Variants in SOS2 observed in about 807,000 individuals in gnomAD.
SOS2 encodes the protein son of sevenless homolog 2.
SOS2 carries 65 observed loss-of-function variants against 148.2 expected under a neutral mutation model. The ratio of observed to expected loss-of-function variants is 0.44; its 90% CI spans 0.36 to 0.54. SOS2 has a LOEUF of 0.54. SOS2 is among the 20% of genes least tolerant of loss of function. The probability of loss-of-function intolerance (pLI) is 0.00; values close to 1 mark genes in which losing one functional copy is unlikely to be tolerated. For synonymous variants in SOS2, 539 were observed against 537.1 expected, an observed-to-expected ratio of 1.00 and a Z score of -0.05; for missense variants, 1,341 against 1,590.2, an observed-to-expected ratio of 0.84 and a Z score of 2.67.
rs71118839 is a variant in SOS2 at position 50,122,391 on chromosome 14, C to CTTTTTTTT, written c.3380-2015_3380-2008dup. Among the ~76,000 whole-genome samples the CTTTTTTTT allele has an allele frequency of 2.3e-4, 20 of 88,288 alleles. 1 individual carries two copies. Among genetic ancestry groups the CTTTTTTTT allele is most frequent in the Admixed American group, 3.2e-4 (2 of 6,196 alleles). The allele number at this position is 88,288 out of a possible 152,430, so 57.9% of individuals were successfully genotyped here. ...ATGAAGAGTGAAAAAGAACCCTGGG[C>CTTTTTTTT]TTTTTTTTTTTTTTTTTTTTTTGAG... On this transcript the variant is annotated intron_variant, in intron 21 of 22. Coordinates refer to ENST00000216373, the MANE Select transcript of SOS2 (RefSeq NM_006939.4).
intron 5 of SOS2, among the ~76,000 whole-genome samples, chr14:50,183,396 A>G (rs531037824): frequency 1.8e-4 from 28 of 152,258 alleles, no homozygotes; most frequent in African/African-American, 6.7e-4. Flanking sequence ...ACAAAAAAAA[A>G]AAGAAACAAT....
chr14:50,203,545 A>C (rs1886565844), intron 2 of SOS2, among the ~76,000 whole-genome samples: 1 of 152,100 alleles, frequency 6.6e-6, no homozygotes, highest in South Asian at 2.1e-4. Context: ...CTCCCATGTA[A>C]CCAAGGCAAA....
In SOS2 at chr14:50,180,553, A is replaced by C. The variant is rs1462958977; in HGVS notation, c.969+19T>G. The C allele has an allele frequency of 9.4e-7, 1 of 1,060,834 alleles. No homozygotes were observed. The highest frequency in any genetic ancestry group is 2.5e-5 in the East Asian group (1 of 39,818). The allele number at this position is 1,060,834 out of a possible 1,614,324, so 65.7% of individuals were successfully genotyped here. A position where few individuals can be genotyped will look rare whatever the true frequency, so the allele number is the denominator to read the frequency against. On this transcript the variant is annotated intron_variant, in intron 7 of 22. Transcript: ENST00000216373. ...TTTATTAAAAAAAAAAAAAAAAAAA[A>C]CCTTCAATTTAAGTTTACCTGAAAG...
intron 9 of SOS2, 152 bp downstream of exon 9, chr14:50,161,330 G>T: frequency 1.7e-6 from 1 of 598,732 alleles, no homozygotes. Context: ...GGAAAAAAGA[G>T]AGTAAAAGAC....
At position 50,174,572 on chromosome 14, in the gene SOS2, C is replaced by G; in HGVS notation, c.970-20G>C. 6.8e-7 allele frequency: 1 copy of G among 1,471,030 alleles called. No individual in the cohort carries two copies. Among genetic ancestry groups the G allele is most frequent in the Non-Finnish European group, 9.5e-7 (1 of 1,055,340 alleles). 91.1% of individuals were successfully genotyped at this position (1,471,030 alleles called of 1,614,324 possible). A position where few individuals can be genotyped will look rare whatever the true frequency, so the allele number is the denominator to read the frequency against. On this transcript the variant is annotated intron_variant, in intron 7 of 22. Transcript: ENST00000216373. ...AATGGACTGCAAAGCAAAAAGATAT[C>G]ACAGTATGTATGTCTCTGACATCAA...
In SOS2 at chr14:50,144,627, G is replaced by A. The variant is rs558381394; in HGVS notation, c.2667+543C>T. Among the ~76,000 whole-genome samples the A allele has an allele frequency of 5.3e-5, 8 of 151,888 alleles. No homozygotes were observed. In the South Asian group the frequency reaches 1.7e-3, roughly 32 times the overall value. On this transcript the variant is annotated intron_variant, in intron 16 of 22. Coordinates refer to ENST00000216373, the MANE Select transcript of SOS2 (RefSeq NM_006939.4). ...TAATTTTTGTATTTTTAGTAGAGATGGGGTTTCGCCGCGTTGTCCAGGTTG... is the reference window on the plus strand; with the variant it reads ...TAATTTTTGTATTTTTAGTAGAGATAGGGTTTCGCCGCGTTGTCCAGGTTG...
chr14:50,184,990 G>T (rs1271523746), intron 5 of SOS2, among the ~76,000 whole-genome samples: 1 of 152,076 alleles, frequency 6.6e-6, no homozygotes, highest in East Asian at 1.9e-4. Context: ...CTTGCCCAGA[G>T]AGGGCTTGGA....
intron 21 of SOS2, among the ~76,000 whole-genome samples, chr14:50,129,210 T>C (rs1883784902): frequency 6.6e-6 from 1 of 151,990 alleles, no homozygotes; most frequent in South Asian, 2.1e-4. Context: ...TTAAATAAGA[T>C]GATGTAAAAA....
chr14:50,231,487 T>TCCCG lies in SOS2; in HGVS notation c.-208_-205dup, dbSNP rs1212896067. On this transcript the variant is annotated 5_prime_UTR_variant, in exon 1 of 23. Coordinates refer to ENST00000216373, the MANE Select transcript of SOS2 (RefSeq NM_006939.4). ...TTCCTCCGCCGAGGCGGCCCTCGCC[T>TCCCG]CCCGCAGCGCCCGCAGAGGAAGCGC... 5.3e-5 allele frequency: 8 copies of TCCCG among 150,640 alleles called. No individual in the cohort carries two copies. Among genetic ancestry groups the TCCCG allele is most frequent in the Admixed American group, 5.3e-4 (8 of 15,094 alleles). 9.3% of individuals were successfully genotyped at this position (150,640 alleles called of 1,614,324 possible). A position where few individuals can be genotyped will look rare whatever the true frequency, so the allele number is the denominator to read the frequency against.
intron 1 of SOS2, among the ~76,000 whole-genome samples, chr14:50,224,314 TACACACACACAC>T (rs71118856): frequency 0.052 from 5,233 of 100,820 alleles, 304 homozygotes; most frequent in Non-Finnish European, 0.06. Flanking sequence ...AATATATATA[TACACACACACAC>T]ACACACACAC....
chr14:50,118,798 G>A lies in SOS2; in HGVS notation c.3545C>T (p.Pro1182Leu). The A allele has an allele frequency of 6.4e-7, 1 of 1,561,112 alleles. No homozygotes were observed. Among genetic ancestry groups the A allele is most frequent in the Non-Finnish European group, 8.7e-7 (1 of 1,147,492 alleles). ...PPAIPPRQPP[P>L]PKVKPRVPVP... ...AGGAACTCTGGGTTTTACCTTTGGA[G>A]GAGGAGGCTGTCTCGGTGGAATAGC... is the stretch of plus-strand genomic sequence containing the variant. The change falls in exon 23 of 23, where the codon CCT becomes CTT. Residue 1182 changes from proline to leucine, a missense_variant. Coordinates refer to ENST00000216373, the MANE Select transcript of SOS2 (RefSeq NM_006939.4).
intron 11 of SOS2, 25 bp downstream of exon 11, chr14:50,158,540 T>C (rs1278659103): frequency 1.4e-6 from 2 of 1,404,496 alleles, no homozygotes. Context: ...AATGTCAATA[T>C]AACTGAAATA....
rs1886005182 is a variant in SOS2 at position 50,188,636 on chromosome 14, C to G, written c.575G>C (p.Ser192Thr). ...ATAGTAGTTTAATTCACCAGAAGAACTAGGTTCATCTTCACAGAGAGAAAC... is the reference window on the plus strand; with the variant it reads ...ATAGTAGTTTAATTCACCAGAAGAAGTAGGTTCATCTTCACAGAGAGAAAC... ...GLVSLCEDEP[S>T]SSGELNYYDL... Residue 192 changes from serine to threonine, a missense_variant, in exon 5 of 23, where the codon AGT becomes ACT. By Grantham distance (58) the Ser-to-Thr change is moderately conservative. Transcript: ENST00000216373. 7 of 1,610,878 alleles carry G rather than the reference C, an allele frequency of 4.3e-6. No individual in the cohort carries two copies. The highest frequency in any genetic ancestry group is 5.9e-6 in the Non-Finnish European group (7 of 1,178,568).
intron 4 of SOS2, among the ~76,000 whole-genome samples, chr14:50,197,990 C>T (rs1283562828): frequency 7.1e-6 from 1 of 141,422 alleles, no homozygotes; most frequent in African/African-American, 2.6e-5. Flanking sequence ...ACCTGGCCTG[C>T]TTTGCCATCT....
At chr14:50,150,312 C>A in intron 13 of SOS2, 82 bp from the exon 14 acceptor site, 2 of 973,744 alleles carry the variant, frequency 2.1e-6, no homozygotes, top group East Asian at 4.8e-5. Context: ...TAACTTTCAC[C>A]CAGCCTCAAC....
chr14:50,126,904 A>G (rs2012486), intron 21 of SOS2, among the ~76,000 whole-genome samples: 130,989 of 150,792 alleles, frequency 0.87, 56,992 homozygotes, highest in East Asian at 0.92. Flanking sequence ...TAAGTAGATG[A>G]CAAAATGAAA....
At chr14:50,221,804 C>CTCCA (rs963535376) in intron 1 of SOS2, among the ~76,000 whole-genome samples, 62 of 152,224 alleles carry the variant, frequency 4.1e-4, no homozygotes, top group African/African-American at 1.5e-3. Context: ...TGCCACTGTA[C>CTCCA]TCCAGCCTGG....
intron 18 of SOS2, 117 bp from the exon 19 acceptor site, chr14:50,134,356 A>T: frequency 1.7e-6 from 1 of 598,382 alleles, no homozygotes; most frequent in Non-Finnish European, 2.9e-6. Flanking sequence ...GCTAAAAAAT[A>T]ACACATTAAG....
At chr14:50,204,852 T>C (rs1444601401) in intron 1 of SOS2, among the ~76,000 whole-genome samples, 1 of 151,952 alleles carries the variant, frequency 6.6e-6, no homozygotes, top group Admixed American at 6.6e-5. Flanking sequence ...ACAATAGCAC[T>C]GTCACCACCA....
Sources: allele counts gnomAD v4.1 joint callset (sites outside exome capture counted in the v4.1 genomes callset), GRCh38; gene constraint gnomAD v4.1.1; transcripts MANE v1.5; gene names NCBI Gene and HGNC (gene_info 2026-07-23, HGNC 2026-07-21).